Variants in SGK1 observed in about 807,000 individuals in gnomAD.
SGK1 encodes the protein serine/threonine-protein kinase Sgk1.
SGK1 carries 26 observed loss-of-function variants against 64.2 expected under a neutral mutation model. The observed-to-expected ratio is 0.40, with a 90% CI of 0.30 to 0.56. The LOEUF (loss-of-function observed/expected upper bound fraction) is 0.56. SGK1 is among the 20% of genes least tolerant of loss of function. The pLI is 0.38. For missense variants in SGK1, 519 were observed against 645.6 expected (o/e 0.80, Z 2.12); for synonymous variants, 265 against 239.7 (o/e 1.11, Z -0.98).
rs60975684 is a variant in SGK1, at chr6:134,171,247, A to T, written c.1168-69T>A. On this transcript the variant is annotated intron_variant, in intron 11 of 13. Transcript: ENST00000367858. Reference sequence around the variant, plus strand: ...ATATGGCACACATTACCAGTAGAGAAAAAGATATAAACGGCAATAAATATT... The same window carrying T: ...ATATGGCACACATTACCAGTAGAGATAAAGATATAAACGGCAATAAATATT... The T allele has an allele frequency of 1.2e-3, 1,659 of 1,410,088 alleles. 13 individuals are homozygous for T. In the African/African-American group the frequency reaches 0.018, roughly 16 times the overall value. 87.3% of individuals were successfully genotyped at this position (1,410,088 alleles called of 1,614,324 possible).
At position 134,271,395 on chromosome 6, in the gene SGK1, T is replaced by G. The variant is rs867735262; in HGVS notation, c.70-9247A>C. 1.4e-4 allele frequency among the ~76,000 whole-genome samples: 20 copies of G among 147,734 alleles called. 4 individuals are homozygous for G. In the Middle Eastern group the frequency reaches 0.014, roughly 102 times the overall value. On this transcript the variant is annotated intron_variant, in intron 1 of 13. Transcript: ENST00000367858. ...ATGTACTTTTTTTAGATATAAAAAA[T>G]TGTTTTAAAAAGAGAAAGTAGGAAA...
At chr6:134,236,069 T>C (rs1763510) in intron 2 of SGK1, among the ~76,000 whole-genome samples, 73,588 of 151,928 alleles carry the variant, frequency 0.48, 21,660 homozygotes, top group South Asian at 0.77. Context: ...TATTGTTTGA[T>C]GATTCTATTA....
intron 1 of SGK1, among the ~76,000 whole-genome samples, chr6:134,309,143 G>A (rs1777576189): frequency 1.3e-5 from 2 of 152,164 alleles, no homozygotes; most frequent in South Asian, 2.1e-4. Context: ...TTGGCACCTC[G>A]AACTACCAAA....
At chr6:134,307,384 G>C (rs1342142138) in intron 1 of SGK1, among the ~76,000 whole-genome samples, 1 of 152,200 alleles carries the variant, frequency 6.6e-6, no homozygotes, top group Non-Finnish European at 1.5e-5. Flanking sequence ...GGTTGAAGGA[G>C]AAAGCAATTA....
chr6:134,177,793 C>G, intron 3 of SGK1: 1 of 1,613,624 alleles, frequency 6.2e-7, no homozygotes, highest in Non-Finnish European at 8.5e-7. Context: ...TGCTACATGC[C>G]TCTGATAAGC....
intron 1 of SGK1, among the ~76,000 whole-genome samples, chr6:134,284,491 C>CTTTTTTT (rs34917996): frequency 1.4e-5 from 2 of 143,064 alleles, no homozygotes; most frequent in East Asian, 2.0e-4. Context: ...TTCTTTCTTT[C>CTTTTTTT]TTTTTTTTTT....
chr6:134,199,681 T>C (rs763792094), intron 3 of SGK1, among the ~76,000 whole-genome samples: 1 of 149,254 alleles, frequency 6.7e-6, no homozygotes, highest in Non-Finnish European at 1.5e-5. Flanking sequence ...TATATATATA[T>C]ATGAACAACG....
At chr6:134,215,130 C>CTTTTTTTTTT (rs780554551) in intron 2 of SGK1, 7 of 345,604 alleles carry the variant, frequency 2.0e-5, no homozygotes, top group African/African-American at 7.6e-5. Flanking sequence ...TTCTTTCTTT[C>CTTTTTTTTTT]TTTCTTTTTT....
chr6:134,257,685 G>A (rs774998976), intron 2 of SGK1, among the ~76,000 whole-genome samples: 1 of 152,206 alleles, frequency 6.6e-6, no homozygotes, highest in South Asian at 2.1e-4. Flanking sequence ...TGATGTTTGA[G>A]AGGTTTTGTG....
rs1172460528 is a variant in SGK1, at chr6:134,170,227, A to G, written c.*41T>C. 6.5e-7 allele frequency: 1 copy of G among 1,536,400 alleles called. No homozygotes were observed. The highest frequency in any genetic ancestry group is 8.9e-7 in the Non-Finnish European group (1 of 1,128,166). ...CCAAAAGGCTAACTAAAACATTCGG[A>G]AACACACATAAAATCCTTTAAAACC... On this transcript the variant is annotated 3_prime_UTR_variant, in exon 14 of 14. Coordinates refer to ENST00000367858, the MANE Select transcript of SGK1 (RefSeq NM_001143676.3).
At chr6:134,242,574 A>G (rs1021426758) in intron 2 of SGK1, among the ~76,000 whole-genome samples, 1 of 151,980 alleles carries the variant, frequency 6.6e-6, no homozygotes, top group African/African-American at 2.4e-5. Flanking sequence ...AAATTTACCC[A>G]CAGTTGCTTT....
intron 1 of SGK1, among the ~76,000 whole-genome samples, chr6:134,269,962 A>G (rs902517353): frequency 3.4e-5 from 5 of 145,008 alleles, no homozygotes; most frequent in African/African-American, 1.2e-4. Flanking sequence ...ACTTTTGTTG[A>G]CCAGGCTGGA....
In SGK1 at chr6:134,272,811, A is replaced by C. The variant is rs902793367; in HGVS notation, c.70-10663T>G. The stretch of plus-strand genomic sequence containing the variant: ...AACATAATAACAAAAGTCTCATTTC[A>C]TAAAATGAAGCTTGCACAAAGATGC... On this transcript the variant is annotated intron_variant, in intron 1 of 13. Transcript: ENST00000367858. 4.0e-5 allele frequency among the ~76,000 whole-genome samples: 6 copies of C among 148,416 alleles called. 2 individuals carry two copies. Among genetic ancestry groups the C allele is most frequent in the Admixed American group, 2.1e-4 (3 of 14,538 alleles).
At chr6:134,271,367 G>A (rs1776938374) in intron 1 of SGK1, among the ~76,000 whole-genome samples, 1 of 146,884 alleles carries the variant, frequency 6.8e-6, no homozygotes, top group Non-Finnish European at 1.5e-5. Flanking sequence ...GTCTTTCCTC[G>A]ATATGTACTT....
chr6:134,292,363 C>T lies in SGK1; in HGVS notation c.69+25029G>A, dbSNP rs984337391. Among the ~76,000 whole-genome samples, 6 of 152,176 alleles carry T rather than the reference C, an allele frequency of 3.9e-5. 1 individual carries two copies. In the East Asian group the frequency reaches 9.7e-4, roughly 25 times the overall value. On this transcript the variant is annotated intron_variant, in intron 1 of 13. Transcript: ENST00000367858. ...ATCCCAAAACTCTGGGAGGCCGAGG[C>T]GGGTGGATCACCTGAAGTCAGGAGT... is the stretch of plus-strand genomic sequence containing the variant.
At chr6:134,206,397 T>A (rs1308126938) in intron 3 of SGK1, among the ~76,000 whole-genome samples, 7 of 123,656 alleles carry the variant, frequency 5.7e-5, no homozygotes, top group African/African-American at 1.9e-4. Flanking sequence ...TTTTTTTTTT[T>A]TTTTTTTTTT....
At chr6:134,204,907 C>T (rs1775744161) in intron 3 of SGK1, among the ~76,000 whole-genome samples, 1 of 151,874 alleles carries the variant, frequency 6.6e-6, no homozygotes, top group South Asian at 2.1e-4. Flanking sequence ...TTTTCTTTTT[C>T]TTTCTTTCTT....
chr6:134,251,892 C>T lies in SGK1; in HGVS notation c.285+10041G>A, dbSNP rs117016896. ...ATCTCAGCCTCCCGAGTAGCTGGGA[C>T]TACAGGTGGGTGCCATCACGCCTGG... On this transcript the variant is annotated intron_variant, in intron 2 of 13. Transcript: ENST00000367858. Among the ~76,000 whole-genome samples, 587 of 152,230 alleles carry T rather than the reference C, an allele frequency of 3.9e-3. 3 individuals are homozygous for T. The highest frequency in any genetic ancestry group is 6.8e-3 in the Non-Finnish European group (462 of 68,012).
intron 13 of SGK1, 42 bp downstream of exon 13, chr6:134,170,784 C>A: frequency 7.9e-7 from 1 of 1,262,700 alleles, no homozygotes; most frequent in South Asian, 1.3e-5. Flanking sequence ...AAATAAATGC[C>A]CTTTGGGCTT....
Sources: allele counts gnomAD v4.1 joint callset (sites outside exome capture counted in the v4.1 genomes callset), GRCh38; gene constraint gnomAD v4.1.1; transcripts MANE v1.5; gene names NCBI Gene and HGNC (gene_info 2026-07-23, HGNC 2026-07-21).